The following RSL1D1 variants were observed in gnomAD, a reference collection of about 807,000 sequenced individuals.
RSL1D1 encodes the protein ribosomal L1 domain containing 1.
A neutral mutation model predicts 44.6 loss-of-function variants in RSL1D1; 34 were observed. The ratio of observed to expected loss-of-function variants is 0.76; its 90% CI spans 0.58 to 1.02. The LOEUF (loss-of-function observed/expected upper bound fraction) is 1.02. Ranked by LOEUF, RSL1D1 falls within the 50% of genes least tolerant of loss-of-function variation. The pLI is 0.00. For synonymous variants in RSL1D1, 271 were observed against 207.4 expected (o/e 1.31, Z -2.63); for missense variants, 767 against 568.1 (o/e 1.35, Z -3.56).
chr16:11,850,482 A>C (rs112395291), intron 1 of RSL1D1, 64 bp from the exon 2 acceptor site: 6 of 1,514,830 alleles, frequency 4.0e-6, no homozygotes, highest in South Asian at 1.3e-5. Context: ...AAATAAATGA[A>C]ATGTTCTCAA....
intron 2 of RSL1D1, chr16:11,849,371 C>T (rs1404241220): frequency 2.8e-5 from 4 of 143,114 alleles, no homozygotes; most frequent in Non-Finnish European, 6.0e-5. Flanking sequence ...TGGGCAACAG[C>T]GCAAGATCTC....
intron 8 of RSL1D1, 63 bp downstream of exon 8, chr16:11,839,632 T>C: frequency 1.3e-6 from 2 of 1,586,036 alleles, no homozygotes; most frequent in African/African-American, 1.3e-5. Context: ...CTCAGCACAG[T>C]ACCTGCCTGA....
At chr16:11,839,485 G>A (rs947423921) in intron 8 of RSL1D1, among the ~76,000 whole-genome samples, 20 of 146,432 alleles carry the variant, frequency 1.4e-4, no homozygotes, top group African/African-American at 4.5e-4. Context: ...TTTGACCCCC[G>A]GAGTGTAAGA....
chr16:11,847,613 T>C (rs979680147), intron 3 of RSL1D1, 55 bp downstream of exon 3: 1 of 1,428,464 alleles, frequency 7.0e-7, no homozygotes, highest in African/African-American at 1.4e-5. Context: ...TGTGATACCA[T>C]TTCGCCTGAA....
chr16:11,841,576 C>G (rs1462071030), intron 7 of RSL1D1, 119 bp downstream of exon 7: 23 of 914,686 alleles, frequency 2.5e-5, no homozygotes, highest in Non-Finnish European at 3.3e-5. Flanking sequence ...AAAAGCACAA[C>G]CACCACAAAA....
rs779708284 is a variant in RSL1D1 at position 11,846,605 on chromosome 16, A to G, written c.534-3T>C. On this transcript the variant is annotated splice_polypyrimidine_tract_variant and splice_region_variant and intron_variant, in intron 4 of 8. Transcript: ENST00000571133. ...GAAGGTTTACAGATACTGGAACTCT[A>G]CAAAATAAACACACAGGCATTCAGA... 3 of 1,608,304 alleles carry G rather than the reference A, an allele frequency of 1.9e-6. No individual in the cohort carries two copies. The highest frequency in any genetic ancestry group is 3.4e-5 in the Admixed American group (2 of 59,654).
rs76495819 is a variant in RSL1D1, at chr16:11,840,593, A to T, written c.856-608T>A. 5.5e-3 allele frequency among the ~76,000 whole-genome samples: 842 copies of T among 152,292 alleles called. 12 individuals carry two copies. The highest frequency in any genetic ancestry group is 0.019 in the African/African-American group (798 of 41,558). On this transcript the variant is annotated intron_variant, in intron 7 of 8. Transcript: ENST00000571133. Reference sequence around the variant, plus strand: ...AAAAACAAAATTAAAAATTCATTGGACACAATTAACATGGCTAAAGAGAGA... The same window carrying T: ...AAAAACAAAATTAAAAATTCATTGGTCACAATTAACATGGCTAAAGAGAGA...
intron 1 of RSL1D1, chr16:11,850,926 G>T (rs559697350): frequency 4.9e-6 from 1 of 204,700 alleles, no homozygotes; most frequent in African/African-American, 2.4e-5. Context: ...CTGACCTCAG[G>T]TGATCCACCC....
rs8045421 is a variant in RSL1D1, at chr16:11,836,153, T to C, written c.*1634A>G. The C allele has an allele frequency of 0.22, 33,589 of 152,180 alleles. 3,919 individuals are homozygous for C. The highest frequency in any genetic ancestry group is 0.28 in the Admixed American group (4,271 of 15,266). 9.4% of individuals were successfully genotyped at this position (152,180 alleles called of 1,614,324 possible). A position where few individuals can be genotyped will look rare whatever the true frequency, so the allele number is the denominator to read the frequency against. ...TGACCTTCACATTCTCACCATCTGT[T>C]TCTTTGTTGGATTACCAATAAATAG... On this transcript the variant is annotated 3_prime_UTR_variant, in exon 9 of 9. Coordinates refer to ENST00000571133, the MANE Select transcript of RSL1D1 (RefSeq NM_015659.3).
chr16:11,844,507 G>T (rs889364888), intron 5 of RSL1D1, among the ~76,000 whole-genome samples: 2 of 152,114 alleles, frequency 1.3e-5, no homozygotes, highest in Non-Finnish European at 2.9e-5. Flanking sequence ...TCTAGGCTCC[G>T]TGACCAACTC....
chr16:11,842,922 ATTTTT>A (rs34129214), intron 5 of RSL1D1, among the ~76,000 whole-genome samples: 1 of 106,770 alleles, frequency 9.4e-6, no homozygotes, highest in African/African-American at 3.9e-5. Context: ...CGCCCAGCTA[ATTTTT>A]TTTTTTTTTT....
At chr16:11,841,618 G>C (rs2053764204) in intron 7 of RSL1D1, 77 bp downstream of exon 7, 1 of 1,362,736 alleles carries the variant, frequency 7.3e-7, no homozygotes, top group South Asian at 1.3e-5. Context: ...GGGCAGCGAT[G>C]ATGGTCTACT....
intron 7 of RSL1D1, 118 bp from the exon 8 acceptor site, chr16:11,840,103 A>G: frequency 6.8e-7 from 1 of 1,461,338 alleles, no homozygotes; most frequent in African/African-American, 1.4e-5. Context: ...ACCTCGATCT[A>G]TACAGAGAAC....
At chr16:11,838,458 C>T (rs537886656) in intron 8 of RSL1D1, among the ~76,000 whole-genome samples, 369 of 152,156 alleles carry the variant, frequency 2.4e-3, no homozygotes, top group Non-Finnish European at 4.0e-3. Context: ...CCACTGTGCC[C>T]GGCCAAGTTA....
intron 7 of RSL1D1, chr16:11,841,304 G>A (rs1030032588): frequency 4.3e-5 from 7 of 163,004 alleles, no homozygotes; most frequent in South Asian, 1.6e-4. Flanking sequence ...CCAGCTACTC[G>A]GGAGGCTGAA....
intron 3 of RSL1D1, among the ~76,000 whole-genome samples, chr16:11,847,285 G>A (rs1288133235): frequency 6.6e-6 from 1 of 152,132 alleles, no homozygotes; most frequent in Non-Finnish European, 1.5e-5. Context: ...TGAGGTGGGA[G>A]AATAGCTTGA....
In RSL1D1 at chr16:11,841,994, T is replaced by C; in HGVS notation, c.642A>G (p.Ile214Met). Residue 214 changes from isoleucine to methionine, a missense_variant, in exon 6 of 9, where the codon ATA (isoleucine) becomes ATG (methionine). Physicochemically the swap from Ile to Met is conservative, Grantham distance 10. Transcript: ENST00000571133. ...NISKSGSCSA[I>M]RIGHVGMQIE... is the part of the protein sequence containing the mutation. ...TTTGCATTCCAACGTGACCAATACGTATAGCACTGAAATTTAATATAGTAT... is the reference window on the plus strand; with the variant it reads ...TTTGCATTCCAACGTGACCAATACGCATAGCACTGAAATTTAATATAGTAT... The C allele has an allele frequency of 6.2e-7, 1 of 1,608,140 alleles. No individual in the cohort carries two copies. Among genetic ancestry groups the C allele is most frequent in the South Asian group, 1.1e-5 (1 of 89,754 alleles).
intron 5 of RSL1D1, among the ~76,000 whole-genome samples, chr16:11,844,054 G>T (rs976354706): frequency 1.3e-5 from 2 of 151,942 alleles, no homozygotes; most frequent in African/African-American, 4.8e-5. Context: ...GCTCACTGTC[G>T]GCACAGTGTC....
chr16:11,849,656 T>C (rs942202746), intron 2 of RSL1D1, among the ~76,000 whole-genome samples: 8 of 152,268 alleles, frequency 5.3e-5, no homozygotes, highest in African/African-American at 1.9e-4. Context: ...TTGCTTGACA[T>C]GGAAAGATAA....
Sources: gnomAD v4.1 joint callset for allele counts (sites outside exome capture counted in the v4.1 genomes callset) on GRCh38, gnomAD v4.1.1 for gene constraint, MANE v1.5 for transcripts, NCBI Gene and HGNC (gene_info 2026-07-23, HGNC 2026-07-21) for gene names.